Variants in TRPS1 observed in about 807,000 individuals in gnomAD.
TRPS1 encodes zinc finger transcription factor Trps1.
In TRPS1, 6 loss-of-function variants were observed where a neutral mutation model predicts 101.2. The ratio of observed to expected loss-of-function variants is 0.06; its 90% CI spans 0.03 to 0.12. The LOEUF is 0.12. TRPS1 is among the 10% of genes least tolerant of loss of function. The pLI, the probability that TRPS1 is intolerant of heterozygous loss-of-function variation, is 1.00. For missense variants in TRPS1, 1,363 were observed against 1,567.0 expected (o/e 0.87, Z 2.20); for synonymous variants, 578 against 589.8 (o/e 0.98, Z 0.29).
At chr8:115,661,821 C>CAA (rs1316687272) in intron 1 of TRPS1, 1 of 149,446 alleles carries the variant, frequency 6.7e-6, no homozygotes, top group Admixed American at 6.8e-5. Context: ...TACCAGTAAA[C>CAA]AATCTGCGAT....
chr8:115,428,173 G>A (rs577725930), intron 5 of TRPS1, among the ~76,000 whole-genome samples: 2 of 152,156 alleles, frequency 1.3e-5, no homozygotes, highest in South Asian at 4.1e-4. Flanking sequence ...GTGATATTTG[G>A]TATCATTTTT....
chr8:115,454,678 G>C, intron 5 of TRPS1, among the ~76,000 whole-genome samples: 1 of 152,170 alleles, frequency 6.6e-6, no homozygotes, highest in Middle Eastern at 3.4e-3. Context: ...TCATTTTCAT[G>C]AAATTCATAG....
chr8:115,429,926 T>C (rs1360330476), intron 5 of TRPS1, among the ~76,000 whole-genome samples: 6 of 152,122 alleles, frequency 3.9e-5, no homozygotes, highest in Non-Finnish European at 8.8e-5. Context: ...TTCTCCCTAT[T>C]GTGAAGTAAT....
At chr8:115,498,413 CTCTATATATATATATA>C (rs1472231123) in intron 5 of TRPS1, among the ~76,000 whole-genome samples, 189 of 63,434 alleles carry the variant, frequency 3.0e-3, no homozygotes, top group African/African-American at 0.017. Context: ...CTCTCTCTCT[CTCTATATATATATATA>C]TATATATATA....
At chr8:115,535,245 C>CATATATATAGCAT (rs375473986) in intron 5 of TRPS1, among the ~76,000 whole-genome samples, 1 of 35,062 alleles carries the variant, frequency 2.9e-5, no homozygotes, top group African/African-American at 1.3e-4. Flanking sequence ...GCATATATAG[C>CATATATATAGCAT]ATATATAGCA....
At chr8:115,647,471 A>C (rs1007389018) in intron 1 of TRPS1, among the ~76,000 whole-genome samples, 2 of 152,182 alleles carry the variant, frequency 1.3e-5, no homozygotes, top group Non-Finnish European at 2.9e-5. Context: ...CAGTAGCCTT[A>C]TATACATATA....
At chr8:115,478,444 T>C (rs1814660447) in intron 5 of TRPS1, among the ~76,000 whole-genome samples, 1 of 152,170 alleles carries the variant, frequency 6.6e-6, no homozygotes, top group Non-Finnish European at 1.5e-5. Context: ...CCATGCTTGC[T>C]TGTGGGTGGA....
intron 5 of TRPS1, among the ~76,000 whole-genome samples, chr8:115,427,793 G>A (rs949562123): frequency 2.8e-5 from 4 of 145,140 alleles, no homozygotes; most frequent in East Asian, 2.2e-4. Context: ...TTTTGAGGTC[G>A]ACAGACACAG....
At chr8:115,438,112 A>T (rs1453802598) in intron 5 of TRPS1, among the ~76,000 whole-genome samples, 1 of 152,194 alleles carries the variant, frequency 6.6e-6, no homozygotes, top group East Asian at 1.9e-4. Flanking sequence ...AGGTTCACTT[A>T]CTCCCTAAAG....
At chr8:115,666,561 C>T (rs1189203535) in intron 1 of TRPS1, among the ~76,000 whole-genome samples, 1 of 152,164 alleles carries the variant, frequency 6.6e-6, no homozygotes, top group African/African-American at 2.4e-5. Context: ...ATTTTGTCCA[C>T]GTCAAGAACT....
At position 115,418,193 on chromosome 8, in the gene TRPS1, G is replaced by T; in HGVS notation, c.2823+137C>A. On this transcript the variant is annotated intron_variant, in intron 6 of 6. Coordinates refer to ENST00000395715, the MANE Select transcript of TRPS1 (RefSeq NM_014112.5). The surrounding 1 kb of genome is among the most constrained non-coding windows in gnomAD (Gnocchi z 4.3). ...AAGCCCCCTTCACCATAAATCACAT[G>T]TGCACTCAAAGTGACTGTATTAAAA... 2 of 1,402,010 alleles carry T rather than the reference G, an allele frequency of 1.4e-6. No homozygotes were observed. Among genetic ancestry groups the T allele is most frequent in the Non-Finnish European group, 2.0e-6 (2 of 996,436 alleles). 86.8% of individuals were successfully genotyped at this position (1,402,010 alleles called of 1,614,324 possible). A position where few individuals can be genotyped will look rare whatever the true frequency, so the allele number is the denominator to read the frequency against.
At chr8:115,555,253 A>T (rs1238417620) in intron 5 of TRPS1, among the ~76,000 whole-genome samples, 1 of 152,156 alleles carries the variant, frequency 6.6e-6, no homozygotes, top group Non-Finnish European at 1.5e-5. Context: ...ATTCAGTAAG[A>T]TATCAGGTAG....
At chr8:115,452,896 G>C (rs918607251) in intron 5 of TRPS1, among the ~76,000 whole-genome samples, 4 of 152,144 alleles carry the variant, frequency 2.6e-5, no homozygotes, top group African/African-American at 7.2e-5. Context: ...TAACGCTCTA[G>C]ATATATCAAT....
At chr8:115,652,795 C>G (rs1811591685) in intron 1 of TRPS1, among the ~76,000 whole-genome samples, 1 of 152,186 alleles carries the variant, frequency 6.6e-6, no homozygotes, top group Non-Finnish European at 1.5e-5. Context: ...CCACGATAGT[C>G]TGTGTTCACA....
At chr8:115,584,204 C>A (rs1226801533) in intron 5 of TRPS1, among the ~76,000 whole-genome samples, 2 of 151,876 alleles carry the variant, frequency 1.3e-5, no homozygotes. Flanking sequence ...GTTTTCCATA[C>A]TTAATTCTTG....
At chr8:115,655,824 A>T (rs1811664548) in intron 1 of TRPS1, among the ~76,000 whole-genome samples, 2 of 152,266 alleles carry the variant, frequency 1.3e-5, no homozygotes, top group Admixed American at 6.5e-5. Flanking sequence ...GCAAATTTTT[A>T]AAATTACACT....
chr8:115,455,579 C>T (rs1586290498), intron 5 of TRPS1, among the ~76,000 whole-genome samples: 3 of 152,028 alleles, frequency 2.0e-5, no homozygotes, highest in South Asian at 4.1e-4. Context: ...TACATCAATG[C>T]GTTATTCACA....
At chr8:115,665,021 T>C (rs1222717908) in intron 1 of TRPS1, among the ~76,000 whole-genome samples, 1 of 152,164 alleles carries the variant, frequency 6.6e-6, no homozygotes, top group Non-Finnish European at 1.5e-5. Context: ...CCCATAACTT[T>C]CTTAAAGTCT....
chr8:115,623,396 G>T (rs1818440513), intron 2 of TRPS1, among the ~76,000 whole-genome samples: 1 of 151,964 alleles, frequency 6.6e-6, no homozygotes, highest in African/African-American at 2.4e-5. Flanking sequence ...TAATTTTTCA[G>T]AGTGACAGAT....
Sources: allele counts gnomAD v4.1 joint callset (sites outside exome capture counted in the v4.1 genomes callset), GRCh38; gene constraint gnomAD v4.1.1; non-coding constraint Gnocchi (gnomAD v3.1); transcripts MANE v1.5; gene names NCBI Gene and HGNC (gene_info 2026-07-23, HGNC 2026-07-21).